GRB2: variants seen among roughly 807,000 people sequenced by gnomAD.
GRB2 encodes growth factor receptor-bound protein 2.
In GRB2, 2 loss-of-function variants were observed where a neutral mutation model predicts 27.4. The observed-to-expected ratio is 0.07, with a 90% confidence interval of 0.03 to 0.23. GRB2 has a LOEUF of 0.23. Ranked by LOEUF, GRB2 falls within the 10% of genes least tolerant of loss-of-function variation. GRB2 has a pLI of 1.00. For synonymous variants in GRB2, 94 were observed against 99.6 expected (o/e 0.94, Z 0.33); for missense variants, 102 against 282.4 (o/e 0.36, Z 4.58).
At chr17:75,339,920 C>G (rs6501776) in intron 2 of GRB2, among the ~76,000 whole-genome samples, 1 of 151,674 alleles carries the variant, frequency 6.6e-6, no homozygotes, top group Non-Finnish European at 1.5e-5. Flanking sequence ...TTAGCCACGG[C>G]ACCTGGCCCT....
intron 2 of GRB2, among the ~76,000 whole-genome samples, chr17:75,386,849 A>G (rs1048097636): frequency 6.6e-6 from 1 of 152,178 alleles, no homozygotes; most frequent in Non-Finnish European, 1.5e-5. Context: ...TTAAGCTTTG[A>G]GCCTGTTTCT....
At chr17:75,388,830 C>T (rs1344492077) in intron 2 of GRB2, among the ~76,000 whole-genome samples, 3 of 152,146 alleles carry the variant, frequency 2.0e-5, no homozygotes, top group Non-Finnish European at 4.4e-5. Context: ...TCTAACCAAC[C>T]AAACTAGGGA....
intron 2 of GRB2, chr17:75,371,987 T>C (rs1213674670): frequency 1.3e-5 from 2 of 152,164 alleles, no homozygotes; most frequent in Non-Finnish European, 2.9e-5. Context: ...TTGCCGAAGA[T>C]TATTTGCGTA....
chr17:75,346,848 C>T (rs1445129733), intron 2 of GRB2, among the ~76,000 whole-genome samples: 1 of 152,066 alleles, frequency 6.6e-6, no homozygotes, highest in Admixed American at 6.6e-5. Flanking sequence ...CAGGCATGAG[C>T]CACTGTGCCC....
chr17:75,336,200 T>A (rs995335878), intron 2 of GRB2, among the ~76,000 whole-genome samples: 3 of 152,246 alleles, frequency 2.0e-5, no homozygotes, highest in African/African-American at 7.2e-5. Flanking sequence ...CCCCACAGGC[T>A]TATAAACAAT....
intron 2 of GRB2, among the ~76,000 whole-genome samples, chr17:75,376,021 TCTC>T (rs1567871474): frequency 3.8e-5 from 3 of 78,580 alleles, no homozygotes; most frequent in Non-Finnish European, 2.5e-5. Context: ...CAAGACTCCG[TCTC>T]AGAAAAAAAA....
chr17:75,367,903 G>C (rs1358900627), intron 2 of GRB2, among the ~76,000 whole-genome samples: 1 of 150,724 alleles, frequency 6.6e-6, no homozygotes, highest in East Asian at 1.9e-4. Flanking sequence ...TTTTTTTTGA[G>C]ATGGAGTCTC....
At chr17:75,370,793 TCTCC>T (rs1474574291) in intron 2 of GRB2, among the ~76,000 whole-genome samples, 2 of 152,134 alleles carry the variant, frequency 1.3e-5, no homozygotes, top group African/African-American at 4.8e-5. Context: ...TCCTTCAAAC[TCTCC>T]CTGTGAGTTT....
intron 2 of GRB2, among the ~76,000 whole-genome samples, chr17:75,347,214 C>T (rs1468585068): frequency 2.6e-5 from 4 of 152,124 alleles, no homozygotes; most frequent in African/African-American, 9.7e-5. Flanking sequence ...ACAAATGCCT[C>T]ACAGGGGCGG....
chr17:75,366,047 G>GC (rs2078816937), intron 2 of GRB2, among the ~76,000 whole-genome samples: 1 of 151,966 alleles, frequency 6.6e-6, no homozygotes, highest in East Asian at 1.9e-4. Flanking sequence ...TATTTTAATA[G>GC]CGGGAGGCAG....
intron 1 of GRB2, among the ~76,000 whole-genome samples, chr17:75,399,344 A>C (rs1478416224): frequency 6.8e-6 from 1 of 147,334 alleles, no homozygotes; most frequent in Admixed American, 6.8e-5. Context: ...GTGAGCCACC[A>C]CACCTGGCCT....
At chr17:75,322,626 A>G (rs1372330896) in intron 4 of GRB2, among the ~76,000 whole-genome samples, 2 of 152,130 alleles carry the variant, frequency 1.3e-5, no homozygotes, top group Admixed American at 6.6e-5. Flanking sequence ...AAAAGGACGT[A>G]CTGGGACAAT....
At chr17:75,327,179 G>A (rs1182078239) in intron 3 of GRB2, among the ~76,000 whole-genome samples, 2 of 145,674 alleles carry the variant, frequency 1.4e-5, no homozygotes, top group African/African-American at 2.5e-5. Flanking sequence ...CCATTCTCCT[G>A]CCTCAGCCTC....
intron 2 of GRB2, 58 bp downstream of exon 2, chr17:75,393,493 G>A (rs894359458): frequency 3.2e-5 from 42 of 1,308,688 alleles, no homozygotes; most frequent in Admixed American, 6.7e-5. Flanking sequence ...CAGGGCGAAA[G>A]AAGGTGGGTG....
rs142446577 is a variant in GRB2 at position 75,387,232 on chromosome 17, T to G, written c.78+6319A>C. Among the ~76,000 whole-genome samples, 37 of 150,694 alleles carry G rather than the reference T, an allele frequency of 2.5e-4. 1 individual carries two copies. Among genetic ancestry groups the G allele is most frequent in the African/African-American group, 7.8e-4 (32 of 40,920 alleles). On this transcript the variant is annotated intron_variant, in intron 2 of 5. Coordinates refer to ENST00000316804, the MANE Select transcript of GRB2 (RefSeq NM_002086.5). ...AGCCTGTAATCCTAGCCAAGGTGGG[T>G]AGATATTTTGAGGCCAGGAGTTCGA... is the stretch of plus-strand genomic sequence containing the variant.
intron 2 of GRB2, among the ~76,000 whole-genome samples, chr17:75,346,322 T>C (rs943937901): frequency 5.9e-5 from 9 of 151,970 alleles, no homozygotes; most frequent in Non-Finnish European, 1.2e-4. Context: ...GGTAAAACCC[T>C]GTCTCTACTA....
At chr17:75,353,439 T>C (rs1210986751) in intron 2 of GRB2, among the ~76,000 whole-genome samples, 2 of 149,606 alleles carry the variant, frequency 1.3e-5, no homozygotes, top group Non-Finnish European at 3.0e-5. Flanking sequence ...TGGGCTTCTG[T>C]ATTTCCTCGA....
intron 4 of GRB2, 29 bp from the exon 5 acceptor site, chr17:75,321,856 G>C: frequency 6.2e-7 from 1 of 1,608,584 alleles, no homozygotes; most frequent in Non-Finnish European, 8.5e-7. Flanking sequence ...ACATGTGACC[G>C]GCTAAAGGCT....
intron 2 of GRB2, among the ~76,000 whole-genome samples, chr17:75,346,578 CTTTTTTTTTTTT>C (rs775027742): frequency 2.3e-4 from 16 of 68,758 alleles, no homozygotes; most frequent in African/African-American, 1.0e-3. Flanking sequence ...CTTTTCTTGC[CTTTTTTTTTTTT>C]TTTTTTTTTT....
Sources: allele counts gnomAD v4.1 joint callset (sites outside exome capture counted in the v4.1 genomes callset), GRCh38; gene constraint gnomAD v4.1.1; transcripts MANE v1.5; gene names NCBI Gene and HGNC (gene_info 2026-07-23, HGNC 2026-07-21).